Variants in SVIL observed in about 807,000 individuals in gnomAD.
The protein encoded by SVIL is supervillin, also known as archvillin.
A neutral mutation model predicts 240.4 loss-of-function variants in SVIL; 101 were observed. The observed-to-expected ratio is 0.42, with a 90% CI of 0.36 to 0.50. The LOEUF (loss-of-function observed/expected upper bound fraction) is 0.50. Among genes scored for constraint, SVIL ranks in the 20% least tolerant of loss-of-function variants. The probability of loss-of-function intolerance (pLI) is 0.01; values close to 1 mark genes in which losing one functional copy is unlikely to be tolerated. For synonymous variants in SVIL, 999 were observed against 1,100.0 expected (o/e 0.91, Z 1.82); for missense variants, 2,512 against 2,818.7 (o/e 0.89, Z 2.46).
At chr10:29,570,053 T>G (rs144187908) in intron 1 of SVIL, among the ~76,000 whole-genome samples, 151 of 152,348 alleles carry the variant, frequency 9.9e-4, no homozygotes, top group Non-Finnish European at 1.4e-3. Flanking sequence ...CTTCTTCCCC[T>G]AAGGAAGTGC....
intron 3 of SVIL, among the ~76,000 whole-genome samples, chr10:29,655,416 G>A (rs181006329): frequency 6.6e-6 from 1 of 152,280 alleles, no homozygotes; most frequent in Admixed American, 6.5e-5. Flanking sequence ...GAAGCATCCA[G>A]CACAGGAAGA....
Position 29,463,641 on chromosome 10 carries a change from A to AGGGCAG in SVIL, c.6134-12_6134-7dup, listed in dbSNP as rs1373924440. On this transcript the variant is annotated splice_polypyrimidine_tract_variant and splice_region_variant and intron_variant, in intron 34 of 37. Coordinates refer to ENST00000355867, the MANE Select transcript of SVIL (RefSeq NM_021738.3). ...ATTGTCAACAAGGAAAAGTGCTGTG[A>AGGGCAG]GGGCAGGGACAGGGCCAGACCATCA... The AGGGCAG allele has an allele frequency of 5.6e-6, 9 of 1,613,580 alleles. No individual in the cohort carries two copies. Among genetic ancestry groups the AGGGCAG allele is most frequent in the African/African-American group, 5.3e-5 (4 of 74,936 alleles).
At chr10:29,718,781 C>T (rs984643307) in intron 1 of SVIL, among the ~76,000 whole-genome samples, 1 of 152,152 alleles carries the variant, frequency 6.6e-6, no homozygotes, top group Non-Finnish European at 1.5e-5. Context: ...GTGTCTGGTA[C>T]TGATGCAAAA....
chr10:29,518,654 G>A (rs558456311), intron 16 of SVIL, among the ~76,000 whole-genome samples: 36 of 152,214 alleles, frequency 2.4e-4, no homozygotes, highest in African/African-American at 7.9e-4. Flanking sequence ...TCAGGCATTC[G>A]ACACCAGCGT....
intron 3 of SVIL, among the ~76,000 whole-genome samples, chr10:29,641,492 C>T (rs1220146499): frequency 6.6e-6 from 1 of 152,028 alleles, no homozygotes; most frequent in East Asian, 1.9e-4. Flanking sequence ...CGCTTGAACC[C>T]AGGAAGCAGA....
intron 1 of SVIL, among the ~76,000 whole-genome samples, chr10:29,620,136 A>C (rs920979088): frequency 6.6e-6 from 1 of 152,216 alleles, no homozygotes; most frequent in Non-Finnish European, 1.5e-5. Flanking sequence ...TGTATATACT[A>C]TGCATGTTTT....
intron 17 of SVIL, among the ~76,000 whole-genome samples, chr10:29,500,696 T>C (rs1447870828): frequency 1.3e-5 from 2 of 152,168 alleles, no homozygotes. Context: ...TCCTAAGGCA[T>C]TTTCCTTGGC....
At chr10:29,458,699 T>A in intron 36 of SVIL, 110 bp from the exon 37 acceptor site, 1 of 1,196,320 alleles carries the variant, frequency 8.4e-7, no homozygotes, top group Non-Finnish European at 1.2e-6. Context: ...TGCCTGAGGA[T>A]GCATAGTTCC....
At chr10:29,500,155 A>G (rs181967914) in intron 17 of SVIL, among the ~76,000 whole-genome samples, 78 of 152,230 alleles carry the variant, frequency 5.1e-4, no homozygotes, top group African/African-American at 1.4e-3. Context: ...CAGCGATGGA[A>G]GCAGAGGACA....
rs531818873 is a variant in SVIL at position 29,457,896 on chromosome 10, A to G, written c.*351T>C. 2 of 162,762 alleles carry G rather than the reference A, an allele frequency of 1.2e-5. No individual in the cohort carries two copies. The highest frequency in any genetic ancestry group is 2.6e-5 in the Non-Finnish European group (2 of 76,772). 10.1% of individuals were successfully genotyped at this position (162,762 alleles called of 1,614,324 possible). The stretch of plus-strand genomic sequence containing the variant: ...ATATTTTAGAATCCACAAACTATCA[A>G]AATAACACTTTATAAAGAGAACTGC... On this transcript the variant is annotated 3_prime_UTR_variant, in exon 38 of 38. Coordinates refer to ENST00000355867, the MANE Select transcript of SVIL (RefSeq NM_021738.3).
intron 29 of SVIL, among the ~76,000 whole-genome samples, chr10:29,477,829 G>A (rs558867858): frequency 6.8e-4 from 103 of 152,298 alleles, no homozygotes; most frequent in African/African-American, 2.4e-3. Context: ...TGTTCATTGG[G>A]AAGAAATATA....
chr10:29,488,552 G>A, intron 23 of SVIL, 49 bp downstream of exon 23: 2 of 1,506,226 alleles, frequency 1.3e-6, no homozygotes, highest in Non-Finnish European at 1.8e-6. Flanking sequence ...TATGGGACCA[G>A]ACAGAAACCA....
At chr10:29,671,011 G>C (rs752103743) in intron 2 of SVIL, 2 of 152,162 alleles carry the variant, frequency 1.3e-5, no homozygotes, top group Non-Finnish European at 2.9e-5. Context: ...AACAGAGTCT[G>C]ATGAGGGACC....
At chr10:29,530,724 C>T (rs985994733) in intron 10 of SVIL, 56 bp from the exon 11 acceptor site, 3 of 1,601,924 alleles carry the variant, frequency 1.9e-6, no homozygotes, top group Admixed American at 1.7e-5. Flanking sequence ...TAAGTTCGGT[C>T]TCCAAAAAGT....
intron 2 of SVIL, among the ~76,000 whole-genome samples, chr10:29,672,925 T>C (rs1417009615): frequency 4.6e-5 from 7 of 152,162 alleles, no homozygotes; most frequent in Non-Finnish European, 1.0e-4. Context: ...GTTGTTGTTG[T>C]TGTTTTGAGA....
intron 2 of SVIL, among the ~76,000 whole-genome samples, chr10:29,686,132 A>T (rs1033146673): frequency 2.0e-5 from 3 of 152,234 alleles, no homozygotes; most frequent in African/African-American, 4.8e-5. Context: ...TGAAGTAGAG[A>T]GAAAAAATAA....
intron 6 of SVIL, chr10:29,544,990 C>A: frequency 1.9e-6 from 1 of 534,368 alleles, no homozygotes. Context: ...AGAATGGCCC[C>A]CAAGATGTAT....
At chr10:29,599,454 C>G (rs1293432655) in intron 1 of SVIL, among the ~76,000 whole-genome samples, 1 of 151,084 alleles carries the variant, frequency 6.6e-6, no homozygotes, top group Non-Finnish European at 1.5e-5. Context: ...CTCGCTCTCT[C>G]GCCCAGGCTG....
At chr10:29,606,333 C>T (rs1957021358) in intron 1 of SVIL, among the ~76,000 whole-genome samples, 1 of 152,228 alleles carries the variant, frequency 6.6e-6, no homozygotes, top group South Asian at 2.1e-4. Context: ...ACACTGGCCA[C>T]TGCAACCAGC....
Sources: gnomAD v4.1 joint callset for allele counts (sites outside exome capture counted in the v4.1 genomes callset) on GRCh38, gnomAD v4.1.1 for gene constraint, MANE v1.5 for transcripts, NCBI Gene and HGNC (gene_info 2026-07-23, HGNC 2026-07-21) for gene names.